ZC3H12B: variants seen among roughly 807,000 people sequenced by gnomAD.
ZC3H12B encodes probable ribonuclease ZC3H12B.
ZC3H12B carries 7 observed loss-of-function variants against 43.9 expected under a neutral mutation model. The ratio of observed to expected loss-of-function variants is 0.16; its 90% CI spans 0.09 to 0.30. The LOEUF (loss-of-function observed/expected upper bound fraction) is 0.30, where lower values mean the gene tolerates loss of function less well. Among genes scored for constraint, ZC3H12B ranks in the 10% least tolerant of loss-of-function variants. ZC3H12B has a pLI of 1.00. For synonymous variants in ZC3H12B, 222 were observed against 241.7 expected (o/e 0.92, Z 0.76); for missense variants, 475 against 670.2 (o/e 0.71, Z 3.22).
upstream of ZC3H12B, among the ~76,000 whole-genome samples, chrX:65,361,825 T>C (rs1404547574): frequency 1.8e-5 from 2 of 111,136 alleles, no homozygotes; most frequent in African/African-American, 3.3e-5. Context: ...AGGTGTACAA[T>C]AATACAGTAG....
intron 3 of ZC3H12B, among the ~76,000 whole-genome samples, chrX:65,451,851 T>C: frequency 8.9e-6 from 1 of 111,978 alleles, no homozygotes; most frequent in Admixed American, 9.6e-5. Flanking sequence ...GCTTATAGTG[T>C]CTTGCTCCCT....
At chrX:65,487,045 C>T (rs1004453241), upstream of ZC3H12B, among the ~76,000 whole-genome samples, 1 of 112,340 alleles carries the variant, frequency 8.9e-6, no homozygotes, top group Non-Finnish European at 1.9e-5. Context: ...AAATTGGTGT[C>T]TATGTGTTGA....
At chrX:65,264,052 A>G in the ZC3H12B span, among the ~76,000 whole-genome samples, 2 of 111,736 alleles carry the variant, frequency 1.8e-5, no homozygotes, top group Non-Finnish European at 3.8e-5. Context: ...TAAGTGAAGT[A>G]ACTCAGGAAA....
the ZC3H12B span, among the ~76,000 whole-genome samples, chrX:65,049,472 T>G: frequency 1.8e-5 from 2 of 111,655 alleles, no homozygotes; most frequent in African/African-American, 6.5e-5. Context: ...TTGAATATCA[T>G]TTGACTGCAT....
chrX:65,465,128 G>A (rs1008221697), intron 3 of ZC3H12B, among the ~76,000 whole-genome samples: 5 of 110,997 alleles, frequency 4.5e-5, no homozygotes, highest in Non-Finnish European at 7.6e-5. Context: ...TTGGTTTGTA[G>A]AAATGTTGAA....
At chrX:65,391,978 G>A (rs961315027) in intron 2 of ZC3H12B, among the ~76,000 whole-genome samples, 7 of 111,889 alleles carry the variant, frequency 6.3e-5, no homozygotes, top group African/African-American at 2.3e-4. Flanking sequence ...TGTTGGCCAG[G>A]CTGGTCTCCA....
the ZC3H12B span, among the ~76,000 whole-genome samples, chrX:65,057,748 A>G: frequency 2.7e-5 from 3 of 111,845 alleles, no homozygotes; most frequent in Admixed American, 9.5e-5. Context: ...GTCTTTTCAT[A>G]TAGTCCCATA....
the ZC3H12B span, among the ~76,000 whole-genome samples, chrX:65,310,551 C>T: frequency 1.8e-4 from 20 of 111,890 alleles, no homozygotes; most frequent in East Asian, 2.8e-3. Context: ...GAATCAGTAT[C>T]GTGAAAATGG....
At chrX:65,381,283 C>G (rs776002486) in intron 2 of ZC3H12B, among the ~76,000 whole-genome samples, 1 of 111,697 alleles carries the variant, frequency 9.0e-6, no homozygotes, top group African/African-American at 3.3e-5. Flanking sequence ...CAAACTAGAA[C>G]TCAGGATTAA....
the ZC3H12B span, among the ~76,000 whole-genome samples, chrX:65,312,391 G>A: frequency 9.1e-6 from 1 of 110,415 alleles, no homozygotes; most frequent in Non-Finnish European, 1.9e-5. Context: ...AGGAATCACC[G>A]AGGTTCTATT....
At chrX:65,459,279 A>C (rs2067691590) in intron 3 of ZC3H12B, among the ~76,000 whole-genome samples, 3 of 111,972 alleles carry the variant, frequency 2.7e-5, no homozygotes, top group South Asian at 3.7e-4. Context: ...ACCAGAGGTA[A>C]AAGGAGGAGA....
the ZC3H12B span, among the ~76,000 whole-genome samples, chrX:65,311,529 C>T: frequency 6.3e-5 from 7 of 111,952 alleles, no homozygotes; most frequent in South Asian, 3.7e-4. Context: ...AATAAGAATG[C>T]TTTTACACTG....
chrX:65,440,140 A>T (rs2067283282), intron 3 of ZC3H12B, among the ~76,000 whole-genome samples: 1 of 111,876 alleles, frequency 8.9e-6, no homozygotes, highest in Admixed American at 9.5e-5. Flanking sequence ...ATCTATATGA[A>T]ATCGTAACTA....
chrX:65,116,961 G>C, the ZC3H12B span, among the ~76,000 whole-genome samples: 1 of 111,874 alleles, frequency 8.9e-6, no homozygotes, highest in African/African-American at 3.2e-5. Flanking sequence ...GTTGATCATT[G>C]TTGGACATTT....
intron 3 of ZC3H12B, among the ~76,000 whole-genome samples, chrX:65,438,557 T>C (rs1235562970): frequency 8.9e-6 from 1 of 112,519 alleles, no homozygotes; most frequent in Non-Finnish European, 1.9e-5. Flanking sequence ...AGGGGTCTCA[T>C]AGCCTTCAGA....
the ZC3H12B span, among the ~76,000 whole-genome samples, chrX:65,057,489 G>A: frequency 1.7e-4 from 19 of 111,703 alleles, no homozygotes; most frequent in Non-Finnish European, 1.1e-4. Flanking sequence ...TGGGTAACCC[G>A]ACCTTTCTCT....
intron 3 of ZC3H12B, among the ~76,000 whole-genome samples, chrX:65,404,673 G>A (rs943338723): frequency 3.6e-5 from 4 of 111,278 alleles, no homozygotes; most frequent in African/African-American, 1.3e-4. Context: ...AAATATATAT[G>A]CACCCAACAC....
chrX:65,388,233 T>A (rs1233579291), intron 2 of ZC3H12B, among the ~76,000 whole-genome samples: 1 of 112,244 alleles, frequency 8.9e-6, no homozygotes, highest in Non-Finnish European at 1.9e-5. Flanking sequence ...TCCTGCAGAG[T>A]GTTTTCCAAC....
At chrX:65,277,040 C>A in the ZC3H12B span, among the ~76,000 whole-genome samples, 1 of 111,070 alleles carries the variant, frequency 9.0e-6, no homozygotes, top group Non-Finnish European at 1.9e-5. Context: ...GTACTACATG[C>A]AAACAGAAAC....
Sources: allele counts gnomAD v4.1 joint callset (sites outside exome capture counted in the v4.1 genomes callset), GRCh38; gene constraint gnomAD v4.1.1; transcripts MANE v1.5; gene names NCBI Gene and HGNC (gene_info 2026-07-23, HGNC 2026-07-21).